USP3: variants seen among roughly 807,000 people sequenced by gnomAD.
The protein encoded by USP3 is ubiquitin carboxyl-terminal hydrolase 3.
In USP3, 20 loss-of-function variants were observed where a neutral mutation model predicts 72.3. That is an observed-to-expected ratio of 0.28 (90% CI 0.19 to 0.40). The LOEUF (loss-of-function observed/expected upper bound fraction) is 0.40, where lower values mean the gene tolerates loss of function less well. Ranked by LOEUF, USP3 falls within the 10% of genes least tolerant of loss-of-function variation. The pLI is 1.00. For synonymous variants in USP3, 222 were observed against 225.3 expected (o/e 0.99, Z 0.13); for missense variants, 479 against 633.9 (o/e 0.76, Z 2.62).
intron 6 of USP3, among the ~76,000 whole-genome samples, chr15:63,559,008 G>A (rs910629669): frequency 6.6e-6 from 1 of 152,194 alleles, no homozygotes; most frequent in East Asian, 1.9e-4. Flanking sequence ...GTTACAGAGA[G>A]CCTTGTTCAG....
chr15:63,547,845 GGAGAGAGA>G (rs1246222693), intron 3 of USP3, among the ~76,000 whole-genome samples: 13 of 43,762 alleles, frequency 3.0e-4, no homozygotes, highest in African/African-American at 9.8e-4. Flanking sequence ...AGGGAGGGAG[GGAGAGAGA>G]GAGAGAGAGG....
chr15:63,542,783 A>G (rs1392564426), intron 3 of USP3, among the ~76,000 whole-genome samples: 1 of 152,144 alleles, frequency 6.6e-6, no homozygotes, highest in African/African-American at 2.4e-5. Context: ...CAGAAACGAG[A>G]CTAATACTTC....
At chr15:63,577,010 T>C (rs2066875509) in intron 11 of USP3, among the ~76,000 whole-genome samples, 1 of 152,232 alleles carries the variant, frequency 6.6e-6, no homozygotes, top group African/African-American at 2.4e-5. Flanking sequence ...CTTTTTGGAT[T>C]TGTAATTGTT....
Position 63,593,459 on chromosome 15 carries a change from G to C in USP3, c.*2633G>C, listed in dbSNP as rs1396053690. ...AAACAGTAAAGGCCTGGGCAGAGTTGATGGTGAAAAAAAGCTGTATTTTTA... is the reference window on the plus strand; with the variant it reads ...AAACAGTAAAGGCCTGGGCAGAGTTCATGGTGAAAAAAAGCTGTATTTTTA... On this transcript the variant is annotated 3_prime_UTR_variant, in exon 15 of 15. Coordinates refer to ENST00000380324, the MANE Select transcript of USP3 (RefSeq NM_006537.4). The C allele has an allele frequency of 6.6e-6, 1 of 152,196 alleles. No homozygotes were observed. The highest frequency in any genetic ancestry group is 1.5e-5 in the Non-Finnish European group (1 of 68,038). 9.4% of individuals were successfully genotyped at this position (152,196 alleles called of 1,614,324 possible). A position where few individuals can be genotyped will look rare whatever the true frequency, so the allele number is the denominator to read the frequency against.
rs539405836 is a variant in USP3, at chr15:63,590,512, A to G, written c.1398-149A>G. On this transcript the variant is annotated intron_variant, in intron 14 of 14. Coordinates refer to ENST00000380324, the MANE Select transcript of USP3 (RefSeq NM_006537.4). ...AACCCTCGATTTCTGGTCAGTTTGG[A>G]GGAAGGTAAAAACATTAATTTAACA... 267 of 762,402 alleles carry G rather than the reference A, an allele frequency of 3.5e-4. 1 individual carries two copies. In the African/African-American group the frequency reaches 4.2e-3, roughly 12 times the overall value. The allele number at this position is 762,402 out of a possible 1,614,324, so 47.2% of individuals were successfully genotyped here. A position where few individuals can be genotyped will look rare whatever the true frequency, so the allele number is the denominator to read the frequency against.
intron 5 of USP3, among the ~76,000 whole-genome samples, chr15:63,557,187 C>T (rs2066525752): frequency 6.6e-6 from 1 of 152,244 alleles, no homozygotes; most frequent in African/African-American, 2.4e-5. Flanking sequence ...TCTCCTGCCA[C>T]AGCCTCCCAA....
intron 8 of USP3, among the ~76,000 whole-genome samples, chr15:63,567,851 A>G (rs1449362066): frequency 2.0e-5 from 3 of 152,224 alleles, no homozygotes; most frequent in Non-Finnish European, 4.4e-5. Flanking sequence ...TCATTGTGCC[A>G]AAACCTTGTG....
At position 63,544,513 on chromosome 15, in the gene USP3, A is replaced by T. The variant is rs745986702; in HGVS notation, c.284+7357A>T. 3.5e-6 allele frequency: 2 copies of T among 566,550 alleles called. No homozygotes were observed. The highest frequency in any genetic ancestry group is 3.1e-6 in the Non-Finnish European group (1 of 321,944). 35.1% of individuals were successfully genotyped at this position (566,550 alleles called of 1,614,324 possible). A position where few individuals can be genotyped will look rare whatever the true frequency, so the allele number is the denominator to read the frequency against. ...TAGAATTAGAGGGGGCAAGTAGTGCAGGGCAAAAACAGGAAGGAAACGAGT... is the reference window on the plus strand; with the variant it reads ...TAGAATTAGAGGGGGCAAGTAGTGCTGGGCAAAAACAGGAAGGAAACGAGT... On this transcript the variant is annotated intron_variant, in intron 3 of 14. Transcript: ENST00000380324. This position sits in a 1 kb window ranked among gnomAD's most constrained non-coding sequence, Gnocchi z 4.2.
At chr15:63,527,186 T>A (rs2065995377) in intron 1 of USP3, among the ~76,000 whole-genome samples, 1 of 152,214 alleles carries the variant, frequency 6.6e-6, no homozygotes, top group South Asian at 2.1e-4. Context: ...TGTGAGCCAC[T>A]GTGCCCAGCA....
rs965346430 is a variant in USP3 at position 63,570,001 on chromosome 15, G to A, written c.762-432G>A. Among the ~76,000 whole-genome samples, 4 of 152,134 alleles carry A rather than the reference G, an allele frequency of 2.6e-5. No individual in the cohort carries two copies. Among genetic ancestry groups the A allele is most frequent in the African/African-American group, 7.2e-5 (3 of 41,420 alleles). On this transcript the variant is annotated intron_variant, in intron 8 of 14. Transcript: ENST00000380324. The surrounding 1 kb of genome is among the most constrained non-coding windows in gnomAD (Gnocchi z 4.4). ...GTAGTGGTTCACACCTGGTTTTCTA[G>A]TGAGGGTAAGAGGTGAAGCTATGAC...
At position 63,589,956 on chromosome 15, in the gene USP3, A is replaced by ACTAT. The variant is rs954012002; in HGVS notation, c.1398-702_1398-699dup. On this transcript the variant is annotated intron_variant, in intron 14 of 14. Transcript: ENST00000380324. ...CAGCCTATTCTTGTTTTATGATTGCACTATCTTTTTGAAACTATTAGCACT... is the reference window on the plus strand; with the variant it reads ...CAGCCTATTCTTGTTTTATGATTGCACTATCTATCTTTTTGAAACTATTAGCACT... Among the ~76,000 whole-genome samples the ACTAT allele has an allele frequency of 1.3e-4, 16 of 121,032 alleles. No individual in the cohort carries two copies. The South Asian group carries it at 1.4e-3, about 11-fold the overall frequency. The allele number at this position is 121,032 out of a possible 152,430, so 79.4% of individuals were successfully genotyped here.
intron 1 of USP3, among the ~76,000 whole-genome samples, chr15:63,527,076 T>C (rs2065993501): frequency 6.6e-6 from 1 of 152,146 alleles, no homozygotes; most frequent in African/African-American, 2.4e-5. Context: ...TTTTTATTTT[T>C]AGTAGATATG....
intron 3 of USP3, among the ~76,000 whole-genome samples, chr15:63,547,671 A>G (rs1220642681): frequency 6.7e-6 from 1 of 149,132 alleles, no homozygotes; most frequent in African/African-American, 2.5e-5. Context: ...TCAAGGCTGC[A>G]GTGAGCTGTG....
chr15:63,536,052 G>A (rs2066150587), intron 2 of USP3, among the ~76,000 whole-genome samples: 1 of 151,916 alleles, frequency 6.6e-6, no homozygotes, highest in African/African-American at 2.4e-5. Flanking sequence ...TGTACACCAT[G>A]TGCATATGGA....
At chr15:63,549,540 AT>A (rs559046665) in intron 3 of USP3, among the ~76,000 whole-genome samples, 8 of 152,116 alleles carry the variant, frequency 5.3e-5, no homozygotes, top group African/African-American at 1.9e-4. Context: ...CGTTTGTTGT[AT>A]TTTTTTTCAT....
intron 14 of USP3, among the ~76,000 whole-genome samples, chr15:63,590,317 G>A (rs2067170107): frequency 6.6e-6 from 1 of 152,130 alleles, no homozygotes; most frequent in Non-Finnish European, 1.5e-5. Context: ...ACGGTGTCAG[G>A]GAAGGGTGCC....
In USP3 at chr15:63,504,617, A is replaced by G. The variant is rs981245269; in HGVS notation, c.-123A>G. ...GCTTTCTTTGACGCAAGGGCTCGAG[A>G]CGCAGCCGCCGTCGGCCGAGCGCCC... On this transcript the variant is annotated 5_prime_UTR_variant, in exon 1 of 15. Coordinates refer to ENST00000380324, the MANE Select transcript of USP3 (RefSeq NM_006537.4). 3.6e-5 allele frequency: 28 copies of G among 784,962 alleles called. No individual in the cohort carries two copies. Among genetic ancestry groups the G allele is most frequent in the Non-Finnish European group, 5.1e-5 (27 of 528,448 alleles). The allele number at this position is 784,962 out of a possible 1,614,324, so 48.6% of individuals were successfully genotyped here. A position where few individuals can be genotyped will look rare whatever the true frequency, so the allele number is the denominator to read the frequency against.
intron 3 of USP3, among the ~76,000 whole-genome samples, chr15:63,541,227 G>A (rs941864631): frequency 3.3e-5 from 5 of 152,220 alleles, no homozygotes; most frequent in Admixed American, 6.5e-5. Flanking sequence ...GAAATATTGT[G>A]AAATATGAAT....
Position 63,592,723 on chromosome 15 carries a change from A to G in USP3, c.*1897A>G, listed in dbSNP as rs1179978065. Reference sequence around the variant, plus strand: ...GGTGCTAGCATTACAGGCATGAGCCACCACGCCCAGCCTGTTCTATTAAAA... The same window carrying G: ...GGTGCTAGCATTACAGGCATGAGCCGCCACGCCCAGCCTGTTCTATTAAAA... On this transcript the variant is annotated 3_prime_UTR_variant, in exon 15 of 15. Coordinates refer to ENST00000380324, the MANE Select transcript of USP3 (RefSeq NM_006537.4). The G allele has an allele frequency of 6.6e-6, 1 of 151,234 alleles. No individual in the cohort carries two copies. The highest frequency in any genetic ancestry group is 1.5e-5 in the Non-Finnish European group (1 of 67,900). 9.4% of individuals were successfully genotyped at this position (151,234 alleles called of 1,614,324 possible). A position where few individuals can be genotyped will look rare whatever the true frequency, so the allele number is the denominator to read the frequency against.
Sources: gnomAD v4.1 joint callset for allele counts (sites outside exome capture counted in the v4.1 genomes callset) on GRCh38, gnomAD v4.1.1 for gene constraint, Gnocchi (gnomAD v3.1) non-coding constraint, MANE v1.5 for transcripts, NCBI Gene and HGNC (gene_info 2026-07-23, HGNC 2026-07-21) for gene names.